Variants in RCCD1 observed in about 807,000 individuals in gnomAD.
RCCD1 encodes the protein RCC1 domain-containing protein 1.
A neutral mutation model predicts 37.6 loss-of-function variants in RCCD1; 40 were observed. The observed-to-expected ratio is 1.06, with a 90% CI of 0.83 to 1.39. The LOEUF is 1.39. Among genes scored for constraint, RCCD1 ranks in the 40% most tolerant of loss-of-function variants. RCCD1 has a pLI of 0.00. For missense variants in RCCD1, 577 were observed against 517.3 expected (o/e 1.12, Z -1.12); for synonymous variants, 263 against 230.0 (o/e 1.14, Z -1.30).
intron 1 of RCCD1, chr15:90,955,816 A>G (rs969902938): frequency 1.3e-5 from 2 of 151,984 alleles, no homozygotes; most frequent in African/African-American, 4.8e-5. Context: ...GGGAGCAGAC[A>G]GCTGTCCTCA....
intron 1 of RCCD1, 140 bp from the exon 2 acceptor site, chr15:90,956,472 A>G (rs1284073220): frequency 5.5e-6 from 2 of 364,426 alleles, no homozygotes; most frequent in Non-Finnish European, 9.7e-6. Flanking sequence ...GCCAAAAGGG[A>G]GGACAGGGAA....
At chr15:90,956,927 T>G in intron 2 of RCCD1, 27 bp downstream of exon 2, 1 of 1,271,858 alleles carries the variant, frequency 7.9e-7, no homozygotes, top group Non-Finnish European at 9.9e-7. Context: ...CCGTCCCCAC[T>G]TATTCCAGCC....
At chr15:90,955,092 T>C (rs2037140298) in intron 1 of RCCD1, 144 bp downstream of exon 1, 1 of 152,324 alleles carries the variant, frequency 6.6e-6, no homozygotes, top group African/African-American at 2.4e-5. Flanking sequence ...GCCCAACCTC[T>C]GCCTTGGTCC....
Position 90,957,103 on chromosome 15 carries a change from C to T in RCCD1, c.167-10C>T. 1.8e-5 allele frequency: 24 copies of T among 1,342,068 alleles called. No homozygotes were observed. Among genetic ancestry groups the T allele is most frequent in the Non-Finnish European group, 2.2e-5 (23 of 1,052,150 alleles). 83.1% of individuals were successfully genotyped at this position (1,342,068 alleles called of 1,614,324 possible). ...CCATTCTGGCCACCCTGCTCCAATCCGCCCCGCAGGTGGAGGCCGCTTGGA... is the reference window on the plus strand; with the variant it reads ...CCATTCTGGCCACCCTGCTCCAATCTGCCCCGCAGGTGGAGGCCGCTTGGA... On this transcript the variant is annotated splice_polypyrimidine_tract_variant and intron_variant, in intron 2 of 7. Coordinates refer to ENST00000394258, the MANE Select transcript of RCCD1 (RefSeq NM_001017919.2).
At position 90,956,862 on chromosome 15, in the gene RCCD1, G is replaced by T; in HGVS notation, c.128G>T (p.Arg43Leu). The T allele has an allele frequency of 3.1e-6, 4 of 1,291,524 alleles. No homozygotes were observed. Among genetic ancestry groups the T allele is most frequent in the East Asian group, 2.9e-5 (1 of 34,126 alleles). The allele number at this position is 1,291,524 out of a possible 1,614,324, so 80.0% of individuals were successfully genotyped here. ...SPLRAGVDIC[R>L]VSASWSYTAF... is the part of the protein sequence containing the mutation. ...CTGCGGGCGGGCGTCGACATCTGCC[G>T]CGTGAGCGCGAGCTGGAGCTACACC... Residue 43 changes from arginine to leucine, a missense_variant, in exon 2 of 8, where the codon CGC (arginine) becomes CTC (leucine). Arg to Leu is a moderately radical substitution (Grantham distance 102, BLOSUM62 -2). Transcript: ENST00000394258.
rs75390535 is a variant in RCCD1 at position 90,959,965 on chromosome 15, C to T, written c.745C>T (p.Leu249=). The change falls in exon 5 of 8, where the codon CTG becomes TTG. Residue 249 remains leucine (L), a synonymous_variant. Coordinates refer to ENST00000394258, the MANE Select transcript of RCCD1 (RefSeq NM_001017919.2). ...SGQLALPTRN[L]AEDGETVARE... ...GCAGCTGGCCCTGCCCACCAGGAACCTGGCAGAGGATGGAGAGACTGTCGC... is the reference window on the plus strand; with the variant it reads ...GCAGCTGGCCCTGCCCACCAGGAACTTGGCAGAGGATGGAGAGACTGTCGC... 4,980 of 1,613,672 alleles carry T rather than the reference C, an allele frequency of 3.1e-3. 207 individuals are homozygous for T. The East Asian group carries it at 0.093, about 30-fold the overall frequency.
chr15:90,957,124 T>C lies in RCCD1; in HGVS notation c.178T>C (p.Leu60=). The part of the protein sequence containing the change: ...YTAFVTRGGR[L]ELSGSASGAA... ...AATCCGCCCCGCAGGTGGAGGCCGCTTGGAGCTGTCGGGCTCAGCCAGCGG... is the reference window on the plus strand; with the variant it reads ...AATCCGCCCCGCAGGTGGAGGCCGCCTGGAGCTGTCGGGCTCAGCCAGCGG... The change falls in exon 3 of 8, where the codon TTG becomes CTG. Residue 60 remains leucine (L), a synonymous_variant. Coordinates refer to ENST00000394258, the MANE Select transcript of RCCD1 (RefSeq NM_001017919.2). 7.4e-7 allele frequency: 1 copy of C among 1,350,038 alleles called. No homozygotes were observed. Among genetic ancestry groups the C allele is most frequent in the South Asian group, 1.9e-5 (1 of 53,984 alleles). 83.6% of individuals were successfully genotyped at this position (1,350,038 alleles called of 1,614,324 possible).
chr15:90,960,558 G>C, intron 6 of RCCD1, 60 bp downstream of exon 6: 6 of 1,520,784 alleles, frequency 3.9e-6, no homozygotes, highest in Non-Finnish European at 5.3e-6. Flanking sequence ...AAGGGGGTGT[G>C]GTCGACGGAA....
chr15:90,961,976 A>C lies in RCCD1; in HGVS notation c.*207A>C. ...GCTGCCTAAGGTCAGCATCAATCAA[A>C]ACAATGAAATCAATGAAACAATGAA... On this transcript the variant is annotated 3_prime_UTR_variant, in exon 8 of 8. Coordinates refer to ENST00000394258, the MANE Select transcript of RCCD1 (RefSeq NM_001017919.2). 1 of 390,474 alleles carries C rather than the reference A, an allele frequency of 2.6e-6. No homozygotes were observed. 24.2% of individuals were successfully genotyped at this position (390,474 alleles called of 1,614,324 possible).
intron 7 of RCCD1, 64 bp from the exon 8 acceptor site, chr15:90,961,554 C>A (rs745373149): frequency 1.3e-6 from 2 of 1,540,998 alleles, no homozygotes; most frequent in South Asian, 1.2e-5. Context: ...TGGGCCCCTT[C>A]CTGGAGGGAA....
chr15:90,956,978 A>G (rs2037209208), intron 2 of RCCD1, 78 bp downstream of exon 2: 3 of 1,282,082 alleles, frequency 2.3e-6, no homozygotes, highest in Non-Finnish European at 3.0e-6. Flanking sequence ...TGGCCAGTCC[A>G]GTTTGTCTCC....
chr15:90,962,516 A>C lies in RCCD1; in HGVS notation c.*747A>C, dbSNP rs1452996044. The C allele has an allele frequency of 6.6e-6, 1 of 152,172 alleles. No individual in the cohort carries two copies. Among genetic ancestry groups the C allele is most frequent in the Non-Finnish European group, 1.5e-5 (1 of 68,034 alleles). 9.4% of individuals were successfully genotyped at this position (152,172 alleles called of 1,614,324 possible). ...TGTTGCCCCCAGCAGGGTGGGGTCT[A>C]CTGTGGCTAAAATGTCAGGTAGATG... is the stretch of plus-strand genomic sequence containing the variant. On this transcript the variant is annotated 3_prime_UTR_variant, in exon 8 of 8. Transcript: ENST00000394258.
chr15:90,956,817 A>G lies in RCCD1; in HGVS notation c.83A>G (p.Gln28Arg), dbSNP rs1190979069. ...GAGCTGGGCTCCGGACGCGGGCGCCAGGTGCACAGCCCCAGTCCGCTGCGG... is the reference window on the plus strand; with the variant it reads ...GAGCTGGGCTCCGGACGCGGGCGCCGGGTGCACAGCCCCAGTCCGCTGCGG... ...GQELGSGRGRQVHSPSPLRAG... is the reference protein window; with the variant it reads ...GQELGSGRGRRVHSPSPLRAG... Residue 28 changes from glutamine to arginine, a missense_variant, in exon 2 of 8, where the codon CAG becomes CGG. Physicochemically the swap from Gln to Arg is conservative, Grantham distance 43. Coordinates refer to ENST00000394258, the MANE Select transcript of RCCD1 (RefSeq NM_001017919.2). 20 of 1,303,920 alleles carry G rather than the reference A, an allele frequency of 1.5e-5. 1 individual carries two copies. The highest frequency in any genetic ancestry group is 1.7e-5 in the Non-Finnish European group (17 of 1,026,586). 80.8% of individuals were successfully genotyped at this position (1,303,920 alleles called of 1,614,324 possible).
At position 90,956,532 on chromosome 15, in the gene RCCD1, C is replaced by T. The variant is rs539374572; in HGVS notation, c.-123-80C>T. 7.8e-5 allele frequency: 33 copies of T among 424,042 alleles called. No individual in the cohort carries two copies. In the South Asian group the frequency reaches 2.6e-3, roughly 34 times the overall value. The allele number at this position is 424,042 out of a possible 1,614,324, so 26.3% of individuals were successfully genotyped here. A position where few individuals can be genotyped will look rare whatever the true frequency, so the allele number is the denominator to read the frequency against. On this transcript the variant is annotated intron_variant, in intron 1 of 7. Transcript: ENST00000394258. ...TTTGTAAATCCGGTAGGGCATTAGT[C>T]AGGGCGCCTGCTCAGCGAACCTTCG...
intron 1 of RCCD1, chr15:90,955,710 AAAAAAAC>A (rs904636393): frequency 9.0e-5 from 13 of 144,696 alleles, no homozygotes; most frequent in African/African-American, 3.5e-4. Context: ...TTAAAAAAAA[AAAAAAAC>A]AAACCCGCTC....
chr15:90,961,046 G>T lies in RCCD1; in HGVS notation c.971G>T (p.Trp324Leu). ...VVTRTGELYTWGWGKYGQLGH... is the reference protein window; with the variant it reads ...VVTRTGELYTLGWGKYGQLGH... ...TCAGGAACAGGGGAGCTCTACACCT[G>T]GGGCTGGGGTAAGTAAAAGGATTGT... is the stretch of plus-strand genomic sequence containing the variant. The change falls in exon 7 of 8, where the codon TGG becomes TTG. Residue 324 changes from tryptophan (W) to leucine (L), a missense_variant. Physicochemically the swap from Trp to Leu is moderately conservative, Grantham distance 61. Transcript: ENST00000394258. The T allele has an allele frequency of 3.1e-6, 5 of 1,613,834 alleles. No individual in the cohort carries two copies. Among genetic ancestry groups the T allele is most frequent in the Non-Finnish European group, 4.2e-6 (5 of 1,179,924 alleles).
Position 90,956,628 on chromosome 15 carries a change from C to A in RCCD1, c.-107C>A. 1 of 1,042,206 alleles carries A rather than the reference C, an allele frequency of 9.6e-7. No individual in the cohort carries two copies. 64.6% of individuals were successfully genotyped at this position (1,042,206 alleles called of 1,614,324 possible). The stretch of plus-strand genomic sequence containing the variant: ...ATTTTACAGATAAGGCAGCTCCAGC[C>A]CCTGGAAGGCCAGAGACTTGCCAGT... On this transcript the variant is annotated 5_prime_UTR_variant, in exon 2 of 8. Transcript: ENST00000394258.
intron 4 of RCCD1, among the ~76,000 whole-genome samples, chr15:90,957,941 T>A (rs576637249): frequency 2.0e-5 from 3 of 152,310 alleles, no homozygotes. Context: ...TCCTAGCTTC[T>A]CTGTTACTGG....
chr15:90,957,131 T>C lies in RCCD1; in HGVS notation c.185T>C (p.Leu62Pro). Reference sequence around the variant, plus strand: ...CCCGCAGGTGGAGGCCGCTTGGAGCTGTCGGGCTCAGCCAGCGGCGCGGCG... The same window carrying C: ...CCCGCAGGTGGAGGCCGCTTGGAGCCGTCGGGCTCAGCCAGCGGCGCGGCG... ...AFVTRGGRLE[L>P]SGSASGAAGR... is the part of the protein sequence containing the mutation. Residue 62 changes from leucine (L) to proline (P), a missense_variant, in exon 3 of 8, where the codon CTG (leucine) becomes CCG (proline). Physicochemically the swap from Leu to Pro is moderately conservative, Grantham distance 98. Coordinates refer to ENST00000394258, the MANE Select transcript of RCCD1 (RefSeq NM_001017919.2). The C allele has an allele frequency of 7.4e-7, 1 of 1,354,976 alleles. No individual in the cohort carries two copies. The highest frequency in any genetic ancestry group is 9.4e-7 in the Non-Finnish European group (1 of 1,059,694). The allele number at this position is 1,354,976 out of a possible 1,614,324, so 83.9% of individuals were successfully genotyped here. A position where few individuals can be genotyped will look rare whatever the true frequency, so the allele number is the denominator to read the frequency against.
Sources: gnomAD v4.1 joint callset for allele counts (sites outside exome capture counted in the v4.1 genomes callset) on GRCh38, gnomAD v4.1.1 for gene constraint, MANE v1.5 for transcripts, NCBI Gene and HGNC (gene_info 2026-07-23, HGNC 2026-07-21) for gene names.